The following NRXN3 variants were observed in gnomAD, a reference collection of about 807,000 sequenced individuals.
NRXN3 encodes neurexin III.
A neutral mutation model predicts 137.6 loss-of-function variants in NRXN3; 32 were observed. The observed-to-expected ratio is 0.23, with a 90% CI of 0.18 to 0.31. NRXN3 has a LOEUF of 0.31. Ranked by LOEUF, NRXN3 falls within the 10% of genes least tolerant of loss-of-function variation. The pLI, the probability that NRXN3 is intolerant of heterozygous loss-of-function variation, is 1.00. For missense variants in NRXN3, 1,574 were observed against 2,062.5 expected (o/e 0.76, Z 4.59); for synonymous variants, 798 against 784.5 (o/e 1.02, Z -0.29).
At chr14:78,840,265 A>G (rs1267225581) in intron 10 of NRXN3, among the ~76,000 whole-genome samples, 1 of 152,172 alleles carries the variant, frequency 6.6e-6, no homozygotes, top group African/African-American at 2.4e-5. Context: ...GCATTGTTTT[A>G]AGTTCTGTTA....
chr14:79,573,001 A>G (rs900868538), intron 16 of NRXN3: 5 of 152,200 alleles, frequency 3.3e-5, no homozygotes, highest in African/African-American at 1.2e-4. Flanking sequence ...AGCATATTAT[A>G]TAAGTAAGGG....
intron 15 of NRXN3, among the ~76,000 whole-genome samples, chr14:79,128,915 T>A (rs1176120660): frequency 2.0e-5 from 3 of 151,904 alleles, no homozygotes; most frequent in African/African-American, 7.2e-5. Context: ...GGAGAGTGTA[T>A]GTGTCGAGGA....
At chr14:78,299,376 A>G (rs2076654864) in intron 4 of NRXN3, among the ~76,000 whole-genome samples, 1 of 152,132 alleles carries the variant, frequency 6.6e-6, no homozygotes, top group South Asian at 2.1e-4. Context: ...TGAGGAACCG[A>G]GCTCTATGAA....
intron 4 of NRXN3, among the ~76,000 whole-genome samples, chr14:78,638,290 T>G (rs112503178): frequency 0.012 from 1,821 of 152,190 alleles, 52 homozygotes; most frequent in African/African-American, 0.042. Context: ...AGTGCAGGAT[T>G]GCTCAGGGCG....
intron 4 of NRXN3, among the ~76,000 whole-genome samples, chr14:78,487,928 G>C (rs1031758104): frequency 6.6e-6 from 1 of 151,886 alleles, no homozygotes; most frequent in East Asian, 2.0e-4. Context: ...TTCACAGGGT[G>C]TATCAGTGTG....
intron 18 of NRXN3, among the ~76,000 whole-genome samples, chr14:79,693,659 C>A (rs1003660756): frequency 1.3e-5 from 2 of 151,508 alleles, no homozygotes; most frequent in African/African-American, 4.8e-5. Flanking sequence ...CAGGCATTTT[C>A]ATTTGTATAA....
intron 15 of NRXN3, among the ~76,000 whole-genome samples, chr14:79,370,921 G>A (rs752513682): frequency 2.0e-5 from 3 of 152,124 alleles, no homozygotes; most frequent in Middle Eastern, 3.4e-3. Context: ...TAACAATTTT[G>A]CAAAAATGTT....
chr14:78,654,963 C>T (rs1449386456), intron 6 of NRXN3, among the ~76,000 whole-genome samples: 1 of 152,142 alleles, frequency 6.6e-6, no homozygotes, highest in Non-Finnish European at 1.5e-5. Flanking sequence ...TTCTCTGCCT[C>T]CCCCTGAGCT....
At chr14:79,303,255 A>G (rs1371647197) in intron 15 of NRXN3, among the ~76,000 whole-genome samples, 1 of 152,176 alleles carries the variant, frequency 6.6e-6, no homozygotes, top group Non-Finnish European at 1.5e-5. Context: ...AAGTCTTCTT[A>G]GTTACTGGCA....
chr14:79,522,431 T>C (rs1323383453), intron 16 of NRXN3, among the ~76,000 whole-genome samples: 2 of 152,156 alleles, frequency 1.3e-5, no homozygotes, highest in Admixed American at 1.3e-4. Context: ...GAATTTCTTA[T>C]GTAGGAGAGT....
chr14:78,625,530 C>T (rs2097449875), intron 4 of NRXN3, among the ~76,000 whole-genome samples: 3 of 152,212 alleles, frequency 2.0e-5, no homozygotes, highest in Admixed American at 6.5e-5. Flanking sequence ...CTTGTACTCT[C>T]CAGGGAGGCA....
At chr14:78,649,141 A>G (rs2097714555) in intron 5 of NRXN3, 3 of 504,886 alleles carry the variant, frequency 5.9e-6, no homozygotes, top group South Asian at 3.6e-5. Flanking sequence ...CATTCATGCA[A>G]TGTGTCATTT....
At chr14:78,987,905 C>A in intron 14 of NRXN3, 117 bp from the exon 15 acceptor site, 1 of 1,185,936 alleles carries the variant, frequency 8.4e-7, no homozygotes, top group Non-Finnish European at 1.2e-6. Flanking sequence ...GGTGGTGTGT[C>A]TTCAAATGTT....
intron 19 of NRXN3, among the ~76,000 whole-genome samples, chr14:79,773,173 G>A (rs2099084770): frequency 6.6e-6 from 1 of 152,180 alleles, no homozygotes; most frequent in African/African-American, 2.4e-5. Flanking sequence ...CTTTTACACT[G>A]TTGGTGGGAC....
intron 16 of NRXN3, among the ~76,000 whole-genome samples, chr14:79,573,987 G>A (rs1026392682): frequency 2.6e-5 from 4 of 152,012 alleles, no homozygotes; most frequent in Admixed American, 2.0e-4. Flanking sequence ...AACCCAAAAA[G>A]ATATTCAGCC....
intron 6 of NRXN3, among the ~76,000 whole-genome samples, chr14:78,657,064 A>G (rs2097790874): frequency 1.3e-5 from 2 of 151,140 alleles, no homozygotes; most frequent in South Asian, 4.2e-4. Flanking sequence ...AAAAAAAAAA[A>G]AAAAAAAAAA....
intron 20 of NRXN3, among the ~76,000 whole-genome samples, chr14:79,833,545 A>G (rs550132981): frequency 2.4e-4 from 37 of 152,210 alleles, no homozygotes; most frequent in African/African-American, 7.9e-4. Flanking sequence ...AATTTCTTCA[A>G]TTTACATGGG....
Position 79,541,975 on chromosome 14 carries a change from T to C in NRXN3, c.3444+74573T>C, listed in dbSNP as rs568711866. ...AGAGGCAATTCTAAAAATGTGTATC[T>C]TGATTAAATCTTCTCTGTATGGAAC... is the stretch of plus-strand genomic sequence containing the variant. On this transcript the variant is annotated intron_variant, in intron 16 of 20. Coordinates refer to ENST00000335750, the MANE Select transcript of NRXN3 (RefSeq NM_001330195.2). Among the ~76,000 whole-genome samples the C allele has an allele frequency of 2.0e-4, 31 of 152,346 alleles. No individual in the cohort carries two copies. In the South Asian group the frequency reaches 6.0e-3, roughly 30 times the overall value.
intron 19 of NRXN3, among the ~76,000 whole-genome samples, chr14:79,799,478 T>C (rs1402908804): frequency 6.6e-6 from 1 of 152,138 alleles, no homozygotes; most frequent in East Asian, 1.9e-4. Context: ...AGGAGAGAAG[T>C]CTGATAGGGC....
Sources: allele counts gnomAD v4.1 joint callset (sites outside exome capture counted in the v4.1 genomes callset), GRCh38; gene constraint gnomAD v4.1.1; transcripts MANE v1.5; gene names NCBI Gene and HGNC (gene_info 2026-07-23, HGNC 2026-07-21).